ROBO2: variants seen among roughly 807,000 people sequenced by gnomAD.
ROBO2 encodes roundabout homolog 2.
Under a neutral mutation model 160.8 loss-of-function variants are expected in ROBO2, and 53 were observed. The observed-to-expected ratio is 0.33, with a 90% confidence interval of 0.26 to 0.41. The LOEUF (loss-of-function observed/expected upper bound fraction) is 0.41, where lower values mean the gene tolerates loss of function less well. Among genes scored for constraint, ROBO2 ranks in the 10% least tolerant of loss-of-function variants. ROBO2 has a pLI of 1.00. For missense variants in ROBO2, 1,577 were observed against 1,722.4 expected (o/e 0.92, Z 1.49); for synonymous variants, 664 against 611.7 (o/e 1.09, Z -1.26).
At chr3:76,343,472 T>C (rs1234210907) in intron 2 of ROBO2, among the ~76,000 whole-genome samples, 1 of 151,978 alleles carries the variant, frequency 6.6e-6, no homozygotes, top group Non-Finnish European at 1.5e-5. Context: ...GAATGAAGTT[T>C]TGCACATGAG....
intron 2 of ROBO2, among the ~76,000 whole-genome samples, chr3:75,971,250 A>C (rs913071707): frequency 2.0e-5 from 3 of 151,478 alleles, no homozygotes; most frequent in Non-Finnish European, 3.0e-5. Flanking sequence ...GAAAGAAAAG[A>C]ATAAAAATCA....
intron 24 of ROBO2, among the ~76,000 whole-genome samples, chr3:77,641,734 C>T (rs889124516): frequency 2.6e-5 from 4 of 151,932 alleles, no homozygotes; most frequent in African/African-American, 9.7e-5. Context: ...TCAAAATCTT[C>T]AGCAAAGTAA....
Position 77,184,195 on chromosome 3 carries a change from G to A in ROBO2, c.388+85855G>A, listed in dbSNP as rs541126365. Among the ~76,000 whole-genome samples the A allele has an allele frequency of 1.6e-4, 24 of 152,050 alleles. No homozygotes were observed. The East Asian group carries it at 2.1e-3, about 13-fold the overall frequency. ...TTTTCACTAATTACAAAGTGTATGC[G>A]TTTTCTCCTTATAAATCTTGCATCA... On this transcript the variant is annotated intron_variant, in intron 2 of 25. Coordinates refer to ENST00000461745, the Ensembl canonical transcript of ROBO2.
At chr3:76,252,735 T>C (rs1005556794) in intron 2 of ROBO2, among the ~76,000 whole-genome samples, 1 of 147,926 alleles carries the variant, frequency 6.8e-6, no homozygotes, top group East Asian at 2.0e-4. Context: ...TATATACATA[T>C]ATATAAAACG....
intron 2 of ROBO2, among the ~76,000 whole-genome samples, chr3:77,230,213 G>C (rs2086998395): frequency 6.6e-6 from 1 of 151,926 alleles, no homozygotes; most frequent in African/African-American, 2.4e-5. Flanking sequence ...TCAGCCTCCT[G>C]AGGAGCTGGG....
chr3:76,274,502 G>T (rs1199900171), intron 2 of ROBO2, among the ~76,000 whole-genome samples: 1 of 152,042 alleles, frequency 6.6e-6, no homozygotes, highest in Non-Finnish European at 1.5e-5. Context: ...ATGAAATACA[G>T]ATTGTTATTC....
intron 2 of ROBO2, chr3:77,316,972 G>A (rs2064059955): frequency 6.9e-7 from 1 of 1,443,070 alleles, no homozygotes; most frequent in South Asian, 1.1e-5. Context: ...GTTTCCTGCT[G>A]TCCAGACGAG....
At chr3:76,960,643 C>T (rs916009180) in intron 2 of ROBO2, among the ~76,000 whole-genome samples, 7 of 152,030 alleles carry the variant, frequency 4.6e-5, no homozygotes, top group East Asian at 3.9e-4. Flanking sequence ...TGAAGTCAAC[C>T]TTATTTAACG....
At chr3:76,142,018 T>C (rs966875505) in intron 2 of ROBO2, among the ~76,000 whole-genome samples, 2 of 151,928 alleles carry the variant, frequency 1.3e-5, no homozygotes, top group African/African-American at 4.8e-5. Flanking sequence ...AGAGTGTCAA[T>C]AGTTTAGTGG....
chr3:76,265,131 A>T (rs1305384732), intron 2 of ROBO2, among the ~76,000 whole-genome samples: 1 of 152,158 alleles, frequency 6.6e-6, no homozygotes, highest in Non-Finnish European at 1.5e-5. Flanking sequence ...ACGCAGGCTG[A>T]AGCCTGGAGG....
chr3:77,625,585 C>A (rs1015871542), intron 23 of ROBO2, among the ~76,000 whole-genome samples: 1 of 152,088 alleles, frequency 6.6e-6, no homozygotes, highest in Non-Finnish European at 1.5e-5. Context: ...ACCATGTTGA[C>A]CAAGAGGGTC....
intron 2 of ROBO2, among the ~76,000 whole-genome samples, chr3:76,992,259 A>G (rs967044928): frequency 6.7e-6 from 1 of 149,754 alleles, no homozygotes; most frequent in Non-Finnish European, 1.5e-5. Flanking sequence ...CTTAGGACAT[A>G]TATCTCCAAA....
intron 2 of ROBO2, among the ~76,000 whole-genome samples, chr3:77,176,429 C>G (rs909029819): frequency 2.0e-5 from 3 of 151,958 alleles, no homozygotes; most frequent in Non-Finnish European, 2.9e-5. Context: ...CACACCATCT[C>G]TAAAGAAAAT....
intron 2 of ROBO2, among the ~76,000 whole-genome samples, chr3:76,922,122 T>C (rs1201177207): frequency 6.6e-6 from 1 of 152,070 alleles, no homozygotes; most frequent in East Asian, 1.9e-4. Context: ...CCATCCTGGC[T>C]AACATGGTGA....
At chr3:76,373,444 G>T (rs2076199072) in intron 2 of ROBO2, among the ~76,000 whole-genome samples, 1 of 151,926 alleles carries the variant, frequency 6.6e-6, no homozygotes, top group East Asian at 1.9e-4. Context: ...TGCATAATTT[G>T]GATGGACAGT....
chr3:77,609,639 T>G (rs1237469249), intron 21 of ROBO2, among the ~76,000 whole-genome samples: 1 of 151,816 alleles, frequency 6.6e-6, no homozygotes, highest in Non-Finnish European at 1.5e-5. Context: ...ATGCTAAACT[T>G]CTCACTTTAT....
chr3:77,500,660 T>C (rs190119966), intron 5 of ROBO2, among the ~76,000 whole-genome samples: 3 of 152,152 alleles, frequency 2.0e-5, no homozygotes, highest in Non-Finnish European at 4.4e-5. Context: ...ACTGAAGATA[T>C]AGATTTTGTT....
chr3:76,923,719 G>T (rs1322454265), intron 2 of ROBO2, among the ~76,000 whole-genome samples: 1 of 152,192 alleles, frequency 6.6e-6, no homozygotes, highest in Non-Finnish European at 1.5e-5. Flanking sequence ...GAAACACTGT[G>T]TCCTGTCTAC....
At chr3:76,971,023 C>A (rs1198389419) in intron 2 of ROBO2, among the ~76,000 whole-genome samples, 1 of 152,158 alleles carries the variant, frequency 6.6e-6, no homozygotes, top group Non-Finnish European at 1.5e-5. Flanking sequence ...AAGTTCATAT[C>A]TGTCTGATTC....
Sources: allele counts gnomAD v4.1 joint callset (sites outside exome capture counted in the v4.1 genomes callset), GRCh38; gene constraint gnomAD v4.1.1; transcripts MANE v1.5; gene names NCBI Gene and HGNC (gene_info 2026-07-23, HGNC 2026-07-21).